The following GRIA3 variants were observed in gnomAD, a reference collection of about 807,000 sequenced individuals.
GRIA3 encodes glutamate receptor 3.
In GRIA3, 3 loss-of-function variants were observed where a neutral mutation model predicts 63.0. The observed-to-expected ratio is 0.05, with a 90% CI of 0.02 to 0.12. The LOEUF is 0.12. Among genes scored for constraint, GRIA3 ranks in the 10% least tolerant of loss-of-function variants. The pLI is 1.00. For synonymous variants in GRIA3, 274 were observed against 257.9 expected (o/e 1.06, Z -0.60); for missense variants, 347 against 700.9 (o/e 0.50, Z 5.70).
At chrX:123,333,546 T>C (rs1429536328) in intron 4 of GRIA3, among the ~76,000 whole-genome samples, 1 of 111,947 alleles carries the variant, frequency 8.9e-6, no homozygotes. Flanking sequence ...GAGAGCAGCA[T>C]CTTGACAAAT....
chrX:123,372,722 C>G (rs1313819218), intron 5 of GRIA3, among the ~76,000 whole-genome samples: 1 of 111,402 alleles, frequency 9.0e-6, no homozygotes, highest in Non-Finnish European at 1.9e-5. Context: ...TGTTAATTTT[C>G]TATCCTGCAA....
At chrX:123,463,610 GGGAAAGAAAGAAAGAAAGAAAGAAAGAAA>G in intron 12 of GRIA3, among the ~76,000 whole-genome samples, 1 of 13,986 alleles carries the variant, frequency 7.2e-5, no homozygotes, top group Non-Finnish European at 1.2e-4. Context: ...GAGGGAGGGA[GGGAAAGAAAGAAAGAAAGAAAGAAAGAAA>G]GAAAGAAAGA....
intron 4 of GRIA3, among the ~76,000 whole-genome samples, chrX:123,344,024 C>T (rs1269247338): frequency 9.0e-6 from 1 of 111,593 alleles, no homozygotes; most frequent in Non-Finnish European, 1.9e-5. Context: ...TCTTAATGTA[C>T]AGATGTGGAA....
chrX:123,483,942 A>AT (rs2045927733), intron 15 of GRIA3, among the ~76,000 whole-genome samples: 1 of 110,918 alleles, frequency 9.0e-6, no homozygotes, highest in Admixed American at 9.6e-5. Context: ...AAAAAAAAAA[A>AT]TTAGGTACAC....
At chrX:123,435,132 T>G (rs1456385351) in intron 12 of GRIA3, among the ~76,000 whole-genome samples, 1 of 112,262 alleles carries the variant, frequency 8.9e-6, no homozygotes, top group Admixed American at 9.4e-5. Flanking sequence ...TAGATGACTT[T>G]CCCTCCAGGG....
rs970666900 is a variant in GRIA3, at chrX:123,488,904, G to A, written c.*194G>A. 9.3e-5 allele frequency: 10 copies of A among 107,467 alleles called. No individual in the cohort carries two copies. Among genetic ancestry groups the A allele is most frequent in the African/African-American group, 3.1e-4 (9 of 29,058 alleles). 8.9% of individuals were successfully genotyped at this position (107,467 alleles called of 1,213,427 possible). The stretch of plus-strand genomic sequence containing the variant: ...CCTTATGGAACACTCTGAGACTCGC[G>A]ACAATGCAAACCATCATTGAAATCT... On this transcript the variant is annotated 3_prime_UTR_variant, in exon 16 of 16. Coordinates refer to ENST00000620443, the MANE Select transcript of GRIA3 (RefSeq NM_007325.5).
At chrX:123,483,994 G>A (rs899002567) in intron 15 of GRIA3, among the ~76,000 whole-genome samples, 2 of 111,290 alleles carry the variant, frequency 1.8e-5, no homozygotes, top group African/African-American at 6.5e-5. Flanking sequence ...CACTTCCATA[G>A]GGAGAGGTGG....
At chrX:123,298,018 C>T (rs1225903074) in intron 3 of GRIA3, among the ~76,000 whole-genome samples, 4 of 111,002 alleles carry the variant, frequency 3.6e-5, no homozygotes, top group African/African-American at 1.3e-4. Flanking sequence ...GGATAATGGC[C>T]TCCAGCTCCA....
chrX:123,349,131 A>T (rs1363182111), intron 4 of GRIA3, among the ~76,000 whole-genome samples: 1 of 112,443 alleles, frequency 8.9e-6, no homozygotes, highest in Non-Finnish European at 1.9e-5. Flanking sequence ...AAAATTAAGT[A>T]AATAATAGTC....
intron 15 of GRIA3, among the ~76,000 whole-genome samples, chrX:123,486,206 A>C (rs1379883360): frequency 9.0e-6 from 1 of 110,536 alleles, no homozygotes. Context: ...AATGAAAGGA[A>C]AGAAACTGGG....
Position 123,428,235 on chromosome X carries a change from G to C in GRIA3, c.2076+96G>C, listed in dbSNP as rs1397281853. The C allele has an allele frequency of 1.0e-5, 6 of 597,501 alleles. No individual in the cohort carries two copies. The Admixed American group carries it at 1.2e-4, about 11-fold the overall frequency. 49.2% of individuals were successfully genotyped at this position (597,501 alleles called of 1,213,427 possible). A position where few individuals can be genotyped will look rare whatever the true frequency, so the allele number is the denominator to read the frequency against. On this transcript the variant is annotated intron_variant, in intron 12 of 15. Transcript: ENST00000620443. ...GTGCTTTTAAGGGAGAGTTGGGAAAGAGTGGGAATGTTATCAAAGGAGAGC... is the reference window on the plus strand; with the variant it reads ...GTGCTTTTAAGGGAGAGTTGGGAAACAGTGGGAATGTTATCAAAGGAGAGC...
At chrX:123,200,662 A>G (rs1927713454) in intron 2 of GRIA3, among the ~76,000 whole-genome samples, 2 of 108,249 alleles carry the variant, frequency 1.8e-5, no homozygotes, top group African/African-American at 6.7e-5. Flanking sequence ...ATACAACTTT[A>G]TGCATTGAGG....
chrX:123,204,344 A>G, intron 2 of GRIA3: 4 of 1,007,314 alleles, frequency 4.0e-6, no homozygotes, highest in Non-Finnish European at 5.5e-6. Flanking sequence ...AGGTGACCCC[A>G]TGATGTGGCT....
At chrX:123,410,496 C>T (rs189263527) in intron 10 of GRIA3, among the ~76,000 whole-genome samples, 1 of 111,956 alleles carries the variant, frequency 8.9e-6, no homozygotes, top group Non-Finnish European at 1.9e-5. Context: ...GGACACATGG[C>T]AACTTTACAG....
chrX:123,347,602 T>C (rs189388820), intron 4 of GRIA3, among the ~76,000 whole-genome samples: 1 of 111,535 alleles, frequency 9.0e-6, no homozygotes, highest in East Asian at 2.8e-4. Context: ...CATCCCCATA[T>C]GTTTCTCTTC....
rs773580193 is a variant in GRIA3 at position 123,479,473 on chromosome X, C to T, written c.2325-590C>T. ...CATGTTTGTGGAGTAAGAACATGTA[C>T]GTGGTACAGTTCTTTCTGAGATCAT... On this transcript the variant is annotated intron_variant, in intron 13 of 15. Coordinates refer to ENST00000620443, the MANE Select transcript of GRIA3 (RefSeq NM_007325.5). 8.9e-5 allele frequency among the ~76,000 whole-genome samples: 10 copies of T among 112,322 alleles called. No homozygotes were observed. In the South Asian group the frequency reaches 2.6e-3, roughly 29 times the overall value.
Position 123,347,116 on chromosome X carries a change from G to A in GRIA3, c.697-7794G>A, listed in dbSNP as rs185434628. On this transcript the variant is annotated intron_variant, in intron 4 of 15. Transcript: ENST00000620443. ...GGCTTTCAAGAGCCCCCTGTATTTCGCTGAAAGTCTATAATTCTGCCTAGG... is the reference window on the plus strand; with the variant it reads ...GGCTTTCAAGAGCCCCCTGTATTTCACTGAAAGTCTATAATTCTGCCTAGG... 8.9e-5 allele frequency among the ~76,000 whole-genome samples: 10 copies of A among 112,032 alleles called. No homozygotes were observed. The South Asian group carries it at 1.5e-3, about 17-fold the overall frequency.
intron 3 of GRIA3, among the ~76,000 whole-genome samples, chrX:123,266,670 G>A (rs2044490444): frequency 9.0e-6 from 1 of 110,745 alleles, no homozygotes; most frequent in African/African-American, 3.3e-5. Context: ...TCTAAGCATG[G>A]CACACAAGGC....
At chrX:123,473,209 A>G (rs1397587569) in intron 13 of GRIA3, among the ~76,000 whole-genome samples, 1 of 112,175 alleles carries the variant, frequency 8.9e-6, no homozygotes, top group Non-Finnish European at 1.9e-5. Context: ...AACCCCTGTG[A>G]AAACAAAGGG....
Sources: gnomAD v4.1 joint callset for allele counts (sites outside exome capture counted in the v4.1 genomes callset) on GRCh38, gnomAD v4.1.1 for gene constraint, MANE v1.5 for transcripts, NCBI Gene and HGNC (gene_info 2026-07-23, HGNC 2026-07-21) for gene names.